Variants in TBX4 observed in about 807,000 individuals in gnomAD.
The protein encoded by TBX4 is T-box transcription factor 4, also known as T-box transcription factor TBX4.
Under a neutral mutation model 54.6 loss-of-function variants are expected in TBX4, and 13 were observed. That is an observed-to-expected ratio of 0.24 (90% confidence interval 0.15 to 0.38). TBX4 has a LOEUF of 0.38. Ranked by LOEUF, TBX4 falls within the 10% of genes least tolerant of loss-of-function variation. The probability of loss-of-function intolerance (pLI) is 1.00; values close to 1 mark genes in which losing one functional copy is unlikely to be tolerated. For missense variants in TBX4, 631 were observed against 728.5 expected (o/e 0.87, Z 1.54); for synonymous variants, 314 against 306.7 (o/e 1.02, Z -0.25).
Position 61,480,341 on chromosome 17 carries a change from A to G in TBX4, c.1021+22A>G. On this transcript the variant is annotated intron_variant, in intron 8 of 8. Transcript: ENST00000644296. The surrounding 1 kb of genome is among the most constrained non-coding windows in gnomAD (Gnocchi z 6.2). ...CGAGGTAGGGCTCTCCTGGTCTAGA[A>G]GCCCTAGAGGGTAAGAGGAGCGGTG... 2 of 1,602,292 alleles carry G rather than the reference A, an allele frequency of 1.2e-6. No individual in the cohort carries two copies. Among genetic ancestry groups the G allele is most frequent in the Non-Finnish European group, 1.7e-6 (2 of 1,173,866 alleles).
At position 61,467,752 on chromosome 17, in the gene TBX4, G is replaced by A. The variant is rs998308151; in HGVS notation, c.549+95G>A. The A allele has an allele frequency of 5.1e-5, 78 of 1,516,216 alleles. No individual in the cohort carries two copies. In the Admixed American group the frequency reaches 5.2e-4, roughly 10 times the overall value. The allele number at this position is 1,516,216 out of a possible 1,614,324, so 93.9% of individuals were successfully genotyped here. On this transcript the variant is annotated intron_variant, in intron 5 of 8. Coordinates refer to ENST00000644296, the MANE Select transcript of TBX4 (RefSeq NM_001321120.2). ...TGGGGATAGGGAGAATCCACTCCGG[G>A]ATCCAGCTCCAGGCTTTGGCGCTCA...
In TBX4 at chr17:61,456,389, C is replaced by T. The variant is rs537562420; in HGVS notation, c.-3-99C>T. The T allele has an allele frequency of 4.0e-6, 6 of 1,495,168 alleles. No homozygotes were observed. The South Asian group carries it at 7.3e-5, about 18-fold the overall frequency. 92.6% of individuals were successfully genotyped at this position (1,495,168 alleles called of 1,614,324 possible). A position where few individuals can be genotyped will look rare whatever the true frequency, so the allele number is the denominator to read the frequency against. On this transcript the variant is annotated intron_variant, in intron 1 of 8. Transcript: ENST00000644296. ...GGTCCACGTGCTCCAGGGCTGCCTC[C>T]GCGCCCCGCACGAAGTCCCGGAATC... is the stretch of plus-strand genomic sequence containing the variant.
In TBX4 at chr17:61,474,035, T is replaced by C. The variant is rs1196735650; in HGVS notation, c.550-4592T>C. Among the ~76,000 whole-genome samples the C allele has an allele frequency of 2.0e-5, 3 of 152,204 alleles. No individual in the cohort carries two copies. The highest frequency in any genetic ancestry group is 4.4e-5 in the Non-Finnish European group (3 of 68,022). Reference sequence around the variant, plus strand: ...GAATTTTCCTTGGATGCACCTCTTATCATCCGGGGTCTCAGTTTTCTTTCT... The same window carrying C: ...GAATTTTCCTTGGATGCACCTCTTACCATCCGGGGTCTCAGTTTTCTTTCT... On this transcript the variant is annotated intron_variant, in intron 5 of 8. Coordinates refer to ENST00000644296, the MANE Select transcript of TBX4 (RefSeq NM_001321120.2). This position sits in a 1 kb window ranked among gnomAD's most constrained non-coding sequence, Gnocchi z 4.6.
rs982884035 is a variant in TBX4, at chr17:61,480,382, C to T, written c.1021+63C>T. Reference sequence around the variant, plus strand: ...AGGAGCGGTGAGGTTCTCCCCGAAACCACTCTGCAGCGCCCCCCCCCCCAA... The same window carrying T: ...AGGAGCGGTGAGGTTCTCCCCGAAATCACTCTGCAGCGCCCCCCCCCCCAA... On this transcript the variant is annotated intron_variant, in intron 8 of 8. Coordinates refer to ENST00000644296, the MANE Select transcript of TBX4 (RefSeq NM_001321120.2). This position sits in a 1 kb window ranked among gnomAD's most constrained non-coding sequence, Gnocchi z 6.2. 1 of 1,381,736 alleles carries T rather than the reference C, an allele frequency of 7.2e-7. No homozygotes were observed. Among genetic ancestry groups the T allele is most frequent in the African/African-American group, 1.5e-5 (1 of 67,408 alleles). 85.6% of individuals were successfully genotyped at this position (1,381,736 alleles called of 1,614,324 possible).
In TBX4 at chr17:61,475,139, C is replaced by G. The variant is rs1248815312; in HGVS notation, c.550-3488C>G. Reference sequence around the variant, plus strand: ...TGCCCCTGTAGGACTGGCAGCTTCCCTCTTTGCAGGTTTCCCTGTGAGCCT... The same window carrying G: ...TGCCCCTGTAGGACTGGCAGCTTCCGTCTTTGCAGGTTTCCCTGTGAGCCT... On this transcript the variant is annotated intron_variant, in intron 5 of 8. Coordinates refer to ENST00000644296, the MANE Select transcript of TBX4 (RefSeq NM_001321120.2). This position sits in a 1 kb window ranked among gnomAD's most constrained non-coding sequence, Gnocchi z 5.0. Among the ~76,000 whole-genome samples, 1 of 152,244 alleles carries G rather than the reference C, an allele frequency of 6.6e-6. No homozygotes were observed. Among genetic ancestry groups the G allele is most frequent in the African/African-American group, 2.4e-5 (1 of 41,462 alleles).
At chr17:61,456,352 A>G in intron 1 of TBX4, 136 bp from the exon 2 acceptor site, 1 of 1,190,536 alleles carries the variant, frequency 8.4e-7, no homozygotes, top group Non-Finnish European at 1.2e-6. Context: ...CCTCCAGCTC[A>G]GGAGGGGGCG....
At chr17:61,456,401 G>T in intron 1 of TBX4, 87 bp from the exon 2 acceptor site, 1 of 1,517,950 alleles carries the variant, frequency 6.6e-7, no homozygotes, top group Non-Finnish European at 8.9e-7. Context: ...CGCCCCGCAC[G>T]AAGTCCCGGA....
rs56105625 is a variant in TBX4 at position 61,484,945 on chromosome 17, A to AATATATATATATATAT, written c.*1441_*1456dup. ...ATGGTTTAGATAAAACATATAAATAAATATATATATATATATATATATATA... is the reference window on the plus strand; with the variant it reads ...ATGGTTTAGATAAAACATATAAATAAATATATATATATATATATATATATATATATATATATATATA... On this transcript the variant is annotated 3_prime_UTR_variant, in exon 9 of 9. Transcript: ENST00000644296. The surrounding 1 kb of genome is among the most constrained non-coding windows in gnomAD (Gnocchi z 4.1). 2.8e-5 allele frequency: 4 copies of AATATATATATATATAT among 140,606 alleles called. No individual in the cohort carries two copies. In the East Asian group the frequency reaches 6.1e-4, roughly 21 times the overall value. 8.7% of individuals were successfully genotyped at this position (140,606 alleles called of 1,614,324 possible). A position where few individuals can be genotyped will look rare whatever the true frequency, so the allele number is the denominator to read the frequency against.
Position 61,456,657 on chromosome 17 carries a change from C to T in TBX4, c.167C>T (p.Ala56Val), listed in dbSNP as rs2143792797. The change falls in exon 2 of 9, where the codon GCC (alanine) becomes GTC (valine). Residue 56 changes from alanine (A) to valine (V), a missense_variant. Ala to Val is a moderately conservative substitution (Grantham distance 64). Coordinates refer to ENST00000644296, the MANE Select transcript of TBX4 (RefSeq NM_001321120.2). ...SPPGPGADVV[A>V]AAAAEQTIEN... ...CCGGGACCCGGGGCCGACGTCGTCG[C>T]CGCCGCCGCCGCGGAGCAGGTAGGG... is the stretch of plus-strand genomic sequence containing the variant. 1.5e-6 allele frequency: 2 copies of T among 1,325,260 alleles called. No homozygotes were observed. The highest frequency in any genetic ancestry group is 2.1e-5 in the South Asian group (1 of 47,222). The allele number at this position is 1,325,260 out of a possible 1,614,324, so 82.1% of individuals were successfully genotyped here.
At position 61,478,555 on chromosome 17, in the gene TBX4, G is replaced by C; in HGVS notation, c.550-72G>C. ...AATGAGAAAAACCAGGCCAGGGCCA[G>C]AAGAATGAGGTCAAGGGCCTGGGGC... On this transcript the variant is annotated intron_variant, in intron 5 of 8. Coordinates refer to ENST00000644296, the MANE Select transcript of TBX4 (RefSeq NM_001321120.2). The surrounding 1 kb of genome is among the most constrained non-coding windows in gnomAD (Gnocchi z 7.4). 1 of 1,604,412 alleles carries C rather than the reference G, an allele frequency of 6.2e-7. No individual in the cohort carries two copies. The highest frequency in any genetic ancestry group is 8.5e-7 in the Non-Finnish European group (1 of 1,171,412).
In TBX4 at chr17:61,472,643, A is replaced by AT. The variant is rs1165807795; in HGVS notation, c.549+4990dup. On this transcript the variant is annotated intron_variant, in intron 5 of 8. Coordinates refer to ENST00000644296, the MANE Select transcript of TBX4 (RefSeq NM_001321120.2). This position sits in a 1 kb window ranked among gnomAD's most constrained non-coding sequence, Gnocchi z 4.5. ...GAATTGACCAGTCTTTTCCTTATAG[A>AT]TTTTGGATTTTGAGTTATTGAAAGC... Among the ~76,000 whole-genome samples, 1 of 152,194 alleles carries AT rather than the reference A, an allele frequency of 6.6e-6. No individual in the cohort carries two copies. Among genetic ancestry groups the AT allele is most frequent in the East Asian group, 1.9e-4 (1 of 5,202 alleles).
Position 61,464,348 on chromosome 17 carries a change from C to T in TBX4, c.282-1471C>T, listed in dbSNP as rs2060520569. 1 of 152,290 alleles carries T rather than the reference C, an allele frequency of 6.6e-6. No homozygotes were observed. 9.4% of individuals were successfully genotyped at this position (152,290 alleles called of 1,614,324 possible). ...CCTCCACCTCGGTCGGGGTCCTCGCCTGGGCTTAGGGCCCGCCAGCTTATA... is the reference window on the plus strand; with the variant it reads ...CCTCCACCTCGGTCGGGGTCCTCGCTTGGGCTTAGGGCCCGCCAGCTTATA... On this transcript the variant is annotated intron_variant, in intron 3 of 8. Coordinates refer to ENST00000644296, the MANE Select transcript of TBX4 (RefSeq NM_001321120.2). The surrounding 1 kb of genome is among the most constrained non-coding windows in gnomAD (Gnocchi z 5.8).
rs2060623856 is a variant in TBX4, at chr17:61,476,821, C to G, written c.550-1806C>G. 6.6e-6 allele frequency among the ~76,000 whole-genome samples: 1 copy of G among 152,218 alleles called. No individual in the cohort carries two copies. Among genetic ancestry groups the G allele is most frequent in the African/African-American group, 2.4e-5 (1 of 41,456 alleles). ...TGCTGGATGGAGTCACCCAGCTCAACCGAGGAGCCCAGGGAAGGCCAGTAC... is the reference window on the plus strand; with the variant it reads ...TGCTGGATGGAGTCACCCAGCTCAAGCGAGGAGCCCAGGGAAGGCCAGTAC... On this transcript the variant is annotated intron_variant, in intron 5 of 8. Coordinates refer to ENST00000644296, the MANE Select transcript of TBX4 (RefSeq NM_001321120.2). This position sits in a 1 kb window ranked among gnomAD's most constrained non-coding sequence, Gnocchi z 6.5.
At position 61,483,069 on chromosome 17, in the gene TBX4, AG is replaced by A; in HGVS notation, c.1197del (p.Glu401ArgfsTer16). The A allele has an allele frequency of 6.2e-7, 1 of 1,613,962 alleles. No homozygotes were observed. Reference sequence around the variant, plus strand: ...GAGAAGCATGTATGTACTCAGGTTCAGGGCCCGAGATTGCCGGGGTGTCTGG... The same window carrying A: ...GAGAAGCATGTATGTACTCAGGTTCAGGCCCGAGATTGCCGGGGTGTCTGG... ...PREACMYSGS[G>X]PEIAGVSGVD... On this transcript the variant is annotated frameshift_variant, in exon 9 of 9. Transcript: ENST00000644296. LOFTEE classifies it high-confidence loss of function. The surrounding 1 kb of genome is among the most constrained non-coding windows in gnomAD (Gnocchi z 6.6).
In TBX4 at chr17:61,478,621, T is replaced by G; in HGVS notation, c.550-6T>G. ...TGGAGCTCAGCATGAGACCCTTCTCTTCCAGATCATCCTCAACTCTATGCA... is the reference window on the plus strand; with the variant it reads ...TGGAGCTCAGCATGAGACCCTTCTCGTCCAGATCATCCTCAACTCTATGCA... On this transcript the variant is annotated splice_polypyrimidine_tract_variant and splice_region_variant and intron_variant, in intron 5 of 8. Coordinates refer to ENST00000644296, the MANE Select transcript of TBX4 (RefSeq NM_001321120.2). This position sits in a 1 kb window ranked among gnomAD's most constrained non-coding sequence, Gnocchi z 7.4. 1 of 1,614,206 alleles carries G rather than the reference T, an allele frequency of 6.2e-7. No individual in the cohort carries two copies. The highest frequency in any genetic ancestry group is 8.5e-7 in the Non-Finnish European group (1 of 1,180,036).
Position 61,459,128 on chromosome 17 carries a change from C to T in TBX4, c.281+1497C>T, listed in dbSNP as rs796978559. Among the ~76,000 whole-genome samples the T allele has an allele frequency of 2.0e-5, 3 of 152,348 alleles. No individual in the cohort carries two copies. Among genetic ancestry groups the T allele is most frequent in the Middle Eastern group, 3.4e-3 (1 of 294 alleles). The stretch of plus-strand genomic sequence containing the variant: ...GGGATGGAGATAGGGAAGGAAGACA[C>T]ATGAAGGGGCTGGCAGAGGGTGCGA... On this transcript the variant is annotated intron_variant, in intron 3 of 8. Coordinates refer to ENST00000644296, the MANE Select transcript of TBX4 (RefSeq NM_001321120.2). This position sits in a 1 kb window ranked among gnomAD's most constrained non-coding sequence, Gnocchi z 4.8.
intron 4 of TBX4, among the ~76,000 whole-genome samples, chr17:61,466,738 C>T (rs2060540040): frequency 6.6e-6 from 1 of 152,270 alleles, no homozygotes; most frequent in Non-Finnish European, 1.5e-5. Flanking sequence ...GAACTCAGAG[C>T]AGGCTCTGGC....
rs747115549 is a variant in TBX4, at chr17:61,475,835, A to G, written c.550-2792A>G. Among the ~76,000 whole-genome samples the G allele has an allele frequency of 6.6e-6, 1 of 152,006 alleles. No individual in the cohort carries two copies. Among genetic ancestry groups the G allele is most frequent in the Admixed American group, 6.6e-5 (1 of 15,254 alleles). The stretch of plus-strand genomic sequence containing the variant: ...TCCCTTTGCGCTGCCACCTTTGGAG[A>G]GCTAGAGTGACTGGGGGAGGCCTTC... On this transcript the variant is annotated intron_variant, in intron 5 of 8. Transcript: ENST00000644296. The surrounding 1 kb of genome is among the most constrained non-coding windows in gnomAD (Gnocchi z 5.0).
rs573277257 is a variant in TBX4, at chr17:61,481,978, G to A, written c.1022-919G>A. ...GATGGGGTTTCACCATGTTGATCAAGCTGGTCTCGAACTCCTGACCTCAAG... is the reference window on the plus strand; with the variant it reads ...GATGGGGTTTCACCATGTTGATCAAACTGGTCTCGAACTCCTGACCTCAAG... On this transcript the variant is annotated intron_variant, in intron 8 of 8. Transcript: ENST00000644296. The surrounding 1 kb of genome is among the most constrained non-coding windows in gnomAD (Gnocchi z 4.8). 2.0e-5 allele frequency: 3 copies of A among 152,432 alleles called. No homozygotes were observed. Among genetic ancestry groups the A allele is most frequent in the African/African-American group, 7.2e-5 (3 of 41,580 alleles). 9.4% of individuals were successfully genotyped at this position (152,432 alleles called of 1,614,324 possible). A position where few individuals can be genotyped will look rare whatever the true frequency, so the allele number is the denominator to read the frequency against.
Sources: allele counts gnomAD v4.1 joint callset (sites outside exome capture counted in the v4.1 genomes callset), GRCh38; gene constraint gnomAD v4.1.1; non-coding constraint Gnocchi (gnomAD v3.1); transcripts MANE v1.5; gene names NCBI Gene and HGNC (gene_info 2026-07-23, HGNC 2026-07-21).